Variants in SPOCK3 observed in about 807,000 individuals in gnomAD.
SPOCK3 encodes testican-3.
A neutral mutation model predicts 56.6 loss-of-function variants in SPOCK3; 30 were observed. The ratio of observed to expected loss-of-function variants is 0.53; its 90% CI spans 0.40 to 0.72. The LOEUF (loss-of-function observed/expected upper bound fraction) is 0.72. Ranked by LOEUF, SPOCK3 falls within the 30% of genes least tolerant of loss-of-function variation. SPOCK3 has a pLI of 0.00. For missense variants in SPOCK3, 527 were observed against 530.0 expected (o/e 0.99, Z 0.06); for synonymous variants, 196 against 183.3 (o/e 1.07, Z -0.56).
At chr4:167,119,798 CTG>C in intron 2 of SPOCK3, 3 of 1,533,692 alleles carry the variant, frequency 2.0e-6, no homozygotes, top group Non-Finnish European at 2.6e-6. Flanking sequence ...CATTACCTGA[CTG>C]AGCCCAGAAG....
At chr4:166,773,679 C>T (rs1418226910) in intron 7 of SPOCK3, among the ~76,000 whole-genome samples, 1 of 152,114 alleles carries the variant, frequency 6.6e-6, no homozygotes, top group Admixed American at 6.6e-5. Context: ...TTCTAGTCTA[C>T]ATCAGCTCTT....
chr4:167,098,669 T>C (rs1759372444), intron 2 of SPOCK3, among the ~76,000 whole-genome samples: 1 of 152,016 alleles, frequency 6.6e-6, no homozygotes, highest in South Asian at 2.1e-4. Context: ...CTTGTTTTTT[T>C]TTCTGTTTCA....
chr4:166,863,270 C>G (rs994809651), intron 6 of SPOCK3, among the ~76,000 whole-genome samples: 2 of 151,920 alleles, frequency 1.3e-5, no homozygotes, highest in African/African-American at 2.4e-5. Flanking sequence ...GAAAGGAGCT[C>G]TTTCCATATT....
chr4:166,920,112 C>T (rs1404543785), intron 4 of SPOCK3, among the ~76,000 whole-genome samples: 7 of 152,130 alleles, frequency 4.6e-5, no homozygotes, highest in Non-Finnish European at 8.8e-5. Flanking sequence ...TAAATATGGA[C>T]TTCCAGGGTT....
At chr4:167,031,605 A>T (rs1264591234) in intron 3 of SPOCK3, among the ~76,000 whole-genome samples, 1 of 152,042 alleles carries the variant, frequency 6.6e-6, no homozygotes, top group East Asian at 1.9e-4. Context: ...CTGCTCGCCT[A>T]CAGTGGATTA....
intron 2 of SPOCK3, chr4:167,102,438 C>T (rs1475601233): frequency 6.6e-6 from 1 of 152,134 alleles, no homozygotes; most frequent in African/African-American, 2.4e-5. Flanking sequence ...ATCACATTAC[C>T]TGGTTTTACT....
At chr4:166,986,911 C>T (rs1175855458) in intron 4 of SPOCK3, among the ~76,000 whole-genome samples, 1 of 151,914 alleles carries the variant, frequency 6.6e-6, no homozygotes, top group East Asian at 1.9e-4. Context: ...ACACTTGTAC[C>T]CTCACCAACC....
At chr4:166,953,443 T>C (rs1195842928) in intron 4 of SPOCK3, among the ~76,000 whole-genome samples, 4 of 151,186 alleles carry the variant, frequency 2.6e-5, no homozygotes, top group African/African-American at 9.7e-5. Flanking sequence ...CAACAGGTGC[T>C]GGAGAGGATG....
At chr4:166,847,647 T>TTTTATATA (rs369353581) in intron 6 of SPOCK3, among the ~76,000 whole-genome samples, 1 of 55,368 alleles carries the variant, frequency 1.8e-5, no homozygotes, top group African/African-American at 5.1e-5. Flanking sequence ...AAATCCTAGT[T>TTTTATATA]TATATATATA....
At chr4:166,961,910 G>T (rs1035263999) in intron 4 of SPOCK3, among the ~76,000 whole-genome samples, 2 of 152,062 alleles carry the variant, frequency 1.3e-5, no homozygotes, top group Non-Finnish European at 2.9e-5. Flanking sequence ...TCCAGTTTCT[G>T]TGAGCATTGC....
At chr4:167,088,338 C>T (rs1758389825) in intron 2 of SPOCK3, among the ~76,000 whole-genome samples, 1 of 152,064 alleles carries the variant, frequency 6.6e-6, no homozygotes, top group Non-Finnish European at 1.5e-5. Context: ...CACTGAGAAT[C>T]ACTGCATTAG....
intron 6 of SPOCK3, among the ~76,000 whole-genome samples, chr4:166,872,049 C>G (rs562766018): frequency 2.6e-3 from 63 of 24,056 alleles, no homozygotes; most frequent in African/African-American, 4.9e-3. Flanking sequence ...CACAAACACA[C>G]AAACATACAC....
At chr4:166,848,095 A>G (rs1445501354) in intron 6 of SPOCK3, among the ~76,000 whole-genome samples, 1 of 152,190 alleles carries the variant, frequency 6.6e-6, no homozygotes, top group Non-Finnish European at 1.5e-5. Context: ...CTTCTAAAAA[A>G]TTATAACAAG....
At chr4:167,018,465 G>T (rs1750857342) in intron 3 of SPOCK3, among the ~76,000 whole-genome samples, 1 of 152,062 alleles carries the variant, frequency 6.6e-6, no homozygotes, top group Non-Finnish European at 1.5e-5. Context: ...ACTAAATATG[G>T]TTTGTGATTC....
intron 2 of SPOCK3, among the ~76,000 whole-genome samples, chr4:167,208,895 TAG>T (rs1233151996): frequency 6.6e-6 from 1 of 152,170 alleles, no homozygotes; most frequent in Non-Finnish European, 1.5e-5. Context: ...GTTAACAGCT[TAG>T]AGTTATATTT....
intron 2 of SPOCK3, among the ~76,000 whole-genome samples, chr4:167,108,067 T>C (rs1760322554): frequency 6.6e-6 from 1 of 151,894 alleles, no homozygotes; most frequent in Non-Finnish European, 1.5e-5. Context: ...TCAATATCAT[T>C]CATCATCACA....
intron 6 of SPOCK3, among the ~76,000 whole-genome samples, chr4:166,811,606 T>C (rs950077513): frequency 6.6e-6 from 1 of 151,898 alleles, no homozygotes; most frequent in African/African-American, 2.4e-5. Context: ...AAGTTACTTG[T>C]ACAGAATGCT....
At position 166,860,823 on chromosome 4, in the gene SPOCK3, A is replaced by ATATATATATATATATG. The variant is rs1731176892; in HGVS notation, c.589+28306_589+28307insCATATATATATATATA. Among the ~76,000 whole-genome samples the ATATATATATATATATG allele has an allele frequency of 1.9e-4, 28 of 146,468 alleles. 1 individual carries two copies. The Admixed American group carries it at 1.9e-3, about 10-fold the overall frequency. ...AATTCATATATATATATATGTATAT[A>ATATATATATATATATG]TATATATGCATAAAATATAACTCCA... On this transcript the variant is annotated intron_variant, in intron 6 of 10. Transcript: ENST00000357545.
intron 4 of SPOCK3, among the ~76,000 whole-genome samples, chr4:166,984,064 G>A (rs1028828281): frequency 1.3e-5 from 2 of 151,952 alleles, no homozygotes; most frequent in African/African-American, 4.8e-5. Context: ...TCATCAATAT[G>A]CTAATCATTC....
Sources: gnomAD v4.1 joint callset for allele counts (sites outside exome capture counted in the v4.1 genomes callset) on GRCh38, gnomAD v4.1.1 for gene constraint, MANE v1.5 for transcripts, NCBI Gene and HGNC (gene_info 2026-07-23, HGNC 2026-07-21) for gene names.